CBY2: variants seen among roughly 807,000 people sequenced by gnomAD.
The protein encoded by CBY2 is chibby family member 2.
In CBY2, 23 loss-of-function variants were observed where a neutral mutation model predicts 25.3. The observed-to-expected ratio is 0.91, with a 90% CI of 0.65 to 1.29. The LOEUF (loss-of-function observed/expected upper bound fraction) is 1.29, where lower values mean the gene tolerates loss of function less well. Among genes scored for constraint, CBY2 ranks in the 50% most tolerant of loss-of-function variants. The pLI, the probability that CBY2 is intolerant of heterozygous loss-of-function variation, is 0.00. For missense variants in CBY2, 642 were observed against 590.7 expected, an observed-to-expected ratio of 1.09 and a Z score of -0.90; for synonymous variants, 279 against 260.2, an observed-to-expected ratio of 1.07 and a Z score of -0.70.
At position 45,713,610 on chromosome 13, in the gene CBY2, C is replaced by T. The variant is rs959221204; in HGVS notation, c.585C>T (p.Ile195=). Reference sequence around the variant, plus strand: ...GGATGCTCAGCAAGGAGAACAAGATCCTACAGGTCTTCTGGGAGGAGCACA... The same window carrying T: ...GGATGCTCAGCAAGGAGAACAAGATTCTACAGGTCTTCTGGGAGGAGCACA... The part of the protein sequence containing the change: ...ENRMLSKENK[I]LQVFWEEHKA... The change falls in exon 3 of 3, where the codon ATC becomes ATT. Residue 195 remains isoleucine, a synonymous_variant. Coordinates refer to ENST00000310521, the MANE Select transcript of CBY2 (RefSeq NM_152719.3). The surrounding 1 kb of genome is among the most constrained non-coding windows in gnomAD (Gnocchi z 5.0). The T allele has an allele frequency of 1.9e-6, 3 of 1,613,738 alleles. No individual in the cohort carries two copies. Among genetic ancestry groups the T allele is most frequent in the East Asian group, 2.2e-5 (1 of 44,832 alleles).
rs545606229 is a variant in CBY2 at position 45,713,467 on chromosome 13, T to G, written c.442T>G (p.Ser148Ala). ...ENCRLQSPYF[S>A]PSASFHHKLH... ...CTGCCGCCTGCAGTCTCCCTACTTCTCCCCATCCGCCTCCTTCCACCACAA... is the reference window on the plus strand; with the variant it reads ...CTGCCGCCTGCAGTCTCCCTACTTCGCCCCATCCGCCTCCTTCCACCACAA... The change falls in exon 3 of 3, where the codon TCC becomes GCC. Residue 148 changes from serine (S) to alanine (A), a missense_variant. Coordinates refer to ENST00000310521, the MANE Select transcript of CBY2 (RefSeq NM_152719.3). This position sits in a 1 kb window ranked among gnomAD's most constrained non-coding sequence, Gnocchi z 5.0. 6.2e-7 allele frequency: 1 copy of G among 1,614,062 alleles called. No individual in the cohort carries two copies. The highest frequency in any genetic ancestry group is 1.1e-5 in the South Asian group (1 of 91,072).
At chr13:45,708,142 C>T (rs906218013) in intron 2 of CBY2, among the ~76,000 whole-genome samples, 4 of 152,176 alleles carry the variant, frequency 2.6e-5, no homozygotes, top group Non-Finnish European at 4.4e-5. Flanking sequence ...CAGTGAATAG[C>T]GCCTTTTAGA....
intron 2 of CBY2, chr13:45,703,706 A>C (rs2137499843): frequency 5.0e-6 from 4 of 803,816 alleles, no homozygotes; most frequent in Non-Finnish European, 8.1e-6. Context: ...GGAGGCAAAA[A>C]TATGGAAGAA....
At chr13:45,706,047 C>T (rs1408461511) in intron 2 of CBY2, among the ~76,000 whole-genome samples, 1 of 152,190 alleles carries the variant, frequency 6.6e-6, no homozygotes, top group African/African-American at 2.4e-5. Flanking sequence ...AAACCACACC[C>T]CCAGTAATTC....
chr13:45,703,112 G>A, intron 2 of CBY2: 1 of 1,301,826 alleles, frequency 7.7e-7, no homozygotes, highest in Non-Finnish European at 9.7e-7. Context: ...AACATTCCAA[G>A]TTTCTATGAT....
intron 2 of CBY2, among the ~76,000 whole-genome samples, chr13:45,703,863 T>C (rs1361286889): frequency 2.0e-5 from 3 of 152,184 alleles, no homozygotes; most frequent in African/African-American, 7.2e-5. Context: ...GCTGTAGGAA[T>C]CTTTTTGGGC....
Position 45,713,842 on chromosome 13 carries a change from G to A in CBY2, c.817G>A (p.Asp273Asn). Residue 273 changes from aspartate (D) to asparagine (N), a missense_variant, in exon 3 of 3, where the codon GAC becomes AAC. Asp to Asn is a conservative substitution (Grantham distance 23). Transcript: ENST00000310521. This position sits in a 1 kb window ranked among gnomAD's most constrained non-coding sequence, Gnocchi z 5.0. Reference sequence around the variant, plus strand: ...ACAGGCCTACTGGGCGCAGGCAGAGGACACGGCCGCCCCTGCCGAGGAAAG... The same window carrying A: ...ACAGGCCTACTGGGCGCAGGCAGAGAACACGGCCGCCCCTGCCGAGGAAAG... The part of the protein sequence containing the change: ...QKQAYWAQAE[D>N]TAAPAEESKP... 6.6e-7 allele frequency: 1 copy of A among 1,523,938 alleles called. No individual in the cohort carries two copies. The highest frequency in any genetic ancestry group is 8.8e-7 in the Non-Finnish European group (1 of 1,137,374). 94.4% of individuals were successfully genotyped at this position (1,523,938 alleles called of 1,614,324 possible).
chr13:45,707,923 T>G (rs1950248812), intron 2 of CBY2, among the ~76,000 whole-genome samples: 1 of 151,924 alleles, frequency 6.6e-6, no homozygotes, highest in South Asian at 2.1e-4. Context: ...CTCAGTGTTA[T>G]TTTTTTTCTT....
rs1035544139 is a variant in CBY2 at position 45,704,717 on chromosome 13, C to T, written c.156+1862C>T. The stretch of plus-strand genomic sequence containing the variant: ...AAGCAAGTGTGAGGTAGAGATTTTA[C>T]AGGTACAGGAACCGGCAACCCCAGG... On this transcript the variant is annotated intron_variant, in intron 2 of 2. Transcript: ENST00000310521. This position sits in a 1 kb window ranked among gnomAD's most constrained non-coding sequence, Gnocchi z 4.1. Among the ~76,000 whole-genome samples the T allele has an allele frequency of 6.6e-6, 1 of 152,166 alleles. No homozygotes were observed. The highest frequency in any genetic ancestry group is 2.4e-5 in the African/African-American group (1 of 41,436).
In CBY2 at chr13:45,714,532, G is replaced by T; in HGVS notation, c.*160G>T. On this transcript the variant is annotated 3_prime_UTR_variant, in exon 3 of 3. Coordinates refer to ENST00000310521, the MANE Select transcript of CBY2 (RefSeq NM_152719.3). ...CTAAACTCAGAGTTTTAATAAAGGT[G>T]TGAGGAGGCTGGGGCCAGTTGACAC... 1 of 601,568 alleles carries T rather than the reference G, an allele frequency of 1.7e-6. No homozygotes were observed. Among genetic ancestry groups the T allele is most frequent in the Non-Finnish European group, 2.8e-6 (1 of 357,562 alleles). 37.3% of individuals were successfully genotyped at this position (601,568 alleles called of 1,614,324 possible). A position where few individuals can be genotyped will look rare whatever the true frequency, so the allele number is the denominator to read the frequency against.
At position 45,702,882 on chromosome 13, in the gene CBY2, C is replaced by A. The variant is rs550291301; in HGVS notation, c.156+27C>A. 1,703 of 1,553,130 alleles carry A rather than the reference C, an allele frequency of 1.1e-3. 15 individuals carry two copies. In the African/African-American group the frequency reaches 0.019, roughly 17 times the overall value. ...TAGGGATAATCACAGAAGGATGTAA[C>A]CTATCAGTGTTAGCCAGAATAACCC... On this transcript the variant is annotated intron_variant, in intron 2 of 2. Coordinates refer to ENST00000310521, the MANE Select transcript of CBY2 (RefSeq NM_152719.3).
Position 45,702,769 on chromosome 13 carries a change from C to T in CBY2, c.76-6C>T, listed in dbSNP as rs1210217495. On this transcript the variant is annotated splice_polypyrimidine_tract_variant and splice_region_variant and intron_variant, in intron 1 of 2. Coordinates refer to ENST00000310521, the MANE Select transcript of CBY2 (RefSeq NM_152719.3). ...CAGTAATCTTCTTCTTTTCTCGTTTCCACAGCACTCAAGGCCAAATTATAC... is the reference window on the plus strand; with the variant it reads ...CAGTAATCTTCTTCTTTTCTCGTTTTCACAGCACTCAAGGCCAAATTATAC... 1 of 1,612,524 alleles carries T rather than the reference C, an allele frequency of 6.2e-7. No individual in the cohort carries two copies. Among genetic ancestry groups the T allele is most frequent in the South Asian group, 1.1e-5 (1 of 91,008 alleles).
intron 2 of CBY2, among the ~76,000 whole-genome samples, chr13:45,708,034 G>A (rs1247176302): frequency 2.6e-5 from 4 of 152,138 alleles, no homozygotes; most frequent in African/African-American, 9.7e-5. Flanking sequence ...AATGTTCCGA[G>A]TCTCCTTTTA....
chr13:45,707,715 C>G (rs1950247409), intron 2 of CBY2, among the ~76,000 whole-genome samples: 1 of 152,184 alleles, frequency 6.6e-6, no homozygotes, highest in Non-Finnish European at 1.5e-5. Context: ...GATATTAGCA[C>G]ATGCAAAATA....
chr13:45,713,648 G>T lies in CBY2; in HGVS notation c.623G>T (p.Gly208Val). ...VFWEEHKASL[G>V]REESRAPSPL... ...TGGGAGGAGCACAAGGCCTCGCTGG[G>T]CCGAGAGGAGAGCCGGGCCCCCTCG... is the stretch of plus-strand genomic sequence containing the variant. Residue 208 changes from glycine (G) to valine (V), a missense_variant, in exon 3 of 3, where the codon GGC (glycine) becomes GTC (valine). Gly to Val is a moderately radical substitution (Grantham distance 109). Coordinates refer to ENST00000310521, the MANE Select transcript of CBY2 (RefSeq NM_152719.3). The surrounding 1 kb of genome is among the most constrained non-coding windows in gnomAD (Gnocchi z 5.0). 1 of 1,613,506 alleles carries T rather than the reference G, an allele frequency of 6.2e-7. No homozygotes were observed. The highest frequency in any genetic ancestry group is 8.5e-7 in the Non-Finnish European group (1 of 1,179,990).
chr13:45,708,427 C>T (rs1950251636), intron 2 of CBY2, among the ~76,000 whole-genome samples: 1 of 152,146 alleles, frequency 6.6e-6, no homozygotes, highest in South Asian at 2.1e-4. Context: ...TGGAAATTCC[C>T]TGAGGGCAGG....
At position 45,713,721 on chromosome 13, in the gene CBY2, C is replaced by G; in HGVS notation, c.696C>G (p.Asp232Glu). ...CGTCCCTGGAGGTGGTGAAGAAGGA[C>G]CACGTCGCCCTGCAGGTGCCCCGTG... ...DSASLEVVKK[D>E]HVALQVPRGK... The change falls in exon 3 of 3, where the codon GAC becomes GAG. Residue 232 changes from aspartate to glutamate, a missense_variant. Coordinates refer to ENST00000310521, the MANE Select transcript of CBY2 (RefSeq NM_152719.3). This position sits in a 1 kb window ranked among gnomAD's most constrained non-coding sequence, Gnocchi z 5.0. 6.2e-7 allele frequency: 1 copy of G among 1,611,746 alleles called. No individual in the cohort carries two copies. Among genetic ancestry groups the G allele is most frequent in the Non-Finnish European group, 8.5e-7 (1 of 1,179,762 alleles).
chr13:45,703,182 C>T, intron 2 of CBY2: 1 of 1,248,480 alleles, frequency 8.0e-7, no homozygotes, highest in Non-Finnish European at 1.0e-6. Flanking sequence ...GTTGTGCAAT[C>T]ACTCTGGATT....
At chr13:45,712,948 TG>T (rs1950279176) in intron 2 of CBY2, among the ~76,000 whole-genome samples, 1 of 152,222 alleles carries the variant, frequency 6.6e-6, no homozygotes, top group South Asian at 2.1e-4. Flanking sequence ...GTAGGAGCAA[TG>T]GTTCTATATT....
Sources: gnomAD v4.1 joint callset for allele counts (sites outside exome capture counted in the v4.1 genomes callset) on GRCh38, gnomAD v4.1.1 for gene constraint, Gnocchi (gnomAD v3.1) non-coding constraint, MANE v1.5 for transcripts, NCBI Gene and HGNC (gene_info 2026-07-23, HGNC 2026-07-21) for gene names.